The following IARS2 variants were observed in gnomAD, a reference collection of about 807,000 sequenced individuals.
IARS2 encodes the protein isoleucyl-tRNA synthetase 2, mitochondrial, also known as isoleucine--tRNA ligase, mitochondrial.
In IARS2, 56 loss-of-function variants were observed where a neutral mutation model predicts 126.3. That is an observed-to-expected ratio of 0.44 (90% CI 0.36 to 0.55). The LOEUF is 0.55. Among genes scored for constraint, IARS2 ranks in the 20% least tolerant of loss-of-function variants. The pLI, the probability that IARS2 is intolerant of heterozygous loss-of-function variation, is 0.00. For synonymous variants in IARS2, 407 were observed against 441.1 expected (o/e 0.92, Z 0.97); for missense variants, 1,127 against 1,245.9 (o/e 0.90, Z 1.44).
chr1:220,103,629 T>C (rs1161680708), intron 8 of IARS2, 67 bp downstream of exon 8: 2 of 934,078 alleles, frequency 2.1e-6, no homozygotes, highest in South Asian at 1.3e-5. Flanking sequence ...TTTACTACTT[T>C]GCTGAACTGC....
intron 14 of IARS2, among the ~76,000 whole-genome samples, chr1:220,129,185 G>A (rs1016565507): frequency 1.3e-5 from 2 of 152,058 alleles, no homozygotes; most frequent in African/African-American, 2.4e-5. Flanking sequence ...CCCGTCCAGA[G>A]TGTGATATTC....
At chr1:220,101,579 G>A (rs1571844594) in intron 3 of IARS2, among the ~76,000 whole-genome samples, 1 of 152,250 alleles carries the variant, frequency 6.6e-6, no homozygotes, top group East Asian at 1.9e-4. Flanking sequence ...GCTCACGCCT[G>A]TAGTCCCAGA....
intron 10 of IARS2, among the ~76,000 whole-genome samples, chr1:220,110,585 C>T (rs1025943003): frequency 6.6e-6 from 1 of 152,032 alleles, no homozygotes; most frequent in Admixed American, 6.6e-5. Flanking sequence ...AGGCTGGTCT[C>T]GAACTCCTGA....
At chr1:220,141,370 C>T (rs1289338404) in intron 19 of IARS2, among the ~76,000 whole-genome samples, 1 of 152,168 alleles carries the variant, frequency 6.6e-6, no homozygotes, top group Non-Finnish European at 1.5e-5. Flanking sequence ...GTGCAGGTGA[C>T]GGTCCTACCT....
At chr1:220,137,835 A>C in intron 16 of IARS2, 83 bp from the exon 17 acceptor site, 1 of 1,485,220 alleles carries the variant, frequency 6.7e-7, no homozygotes, top group Non-Finnish European at 9.3e-7. Context: ...AAAATATCTG[A>C]ATAGGAGCTT....
intron 12 of IARS2, among the ~76,000 whole-genome samples, chr1:220,119,724 C>T (rs1558125560): frequency 6.6e-6 from 1 of 151,966 alleles, no homozygotes; most frequent in Non-Finnish European, 1.5e-5. Context: ...TATAAAGGAA[C>T]ATAATGATAT....
intron 12 of IARS2, among the ~76,000 whole-genome samples, chr1:220,120,209 G>A (rs1212623982): frequency 6.6e-6 from 1 of 151,164 alleles, no homozygotes; most frequent in Non-Finnish European, 1.5e-5. Flanking sequence ...AGCCTCCCAA[G>A]TAGCTGGGAT....
At chr1:220,124,500 T>C (rs892872720) in intron 12 of IARS2, among the ~76,000 whole-genome samples, 1 of 152,224 alleles carries the variant, frequency 6.6e-6, no homozygotes, top group African/African-American at 2.4e-5. Flanking sequence ...CTCTAGTGCC[T>C]GTGCCCAGGA....
At chr1:220,109,509 T>A (rs1013881007) in intron 10 of IARS2, among the ~76,000 whole-genome samples, 1 of 152,048 alleles carries the variant, frequency 6.6e-6, no homozygotes, top group East Asian at 1.9e-4. Context: ...AATACAAAAA[T>A]TTAAAAAAGT....
At chr1:220,107,434 G>A (rs1373967684) in intron 10 of IARS2, among the ~76,000 whole-genome samples, 1 of 151,492 alleles carries the variant, frequency 6.6e-6, no homozygotes, top group Non-Finnish European at 1.5e-5. Flanking sequence ...ATCAAGATCA[G>A]GGCTGGATGT....
chr1:220,124,350 G>T (rs908616670), intron 12 of IARS2, among the ~76,000 whole-genome samples: 1 of 152,112 alleles, frequency 6.6e-6, no homozygotes, highest in Non-Finnish European at 1.5e-5. Context: ...TTGGCTTTCT[G>T]TCATGTGTTA....
At chr1:220,147,233 A>G (rs1657617269) in intron 22 of IARS2, among the ~76,000 whole-genome samples, 1 of 152,184 alleles carries the variant, frequency 6.6e-6, no homozygotes, top group Non-Finnish European at 1.5e-5. Flanking sequence ...CTGCCTGAGT[A>G]GATGTAGAAC....
At chr1:220,132,280 A>G (rs1470609466) in intron 14 of IARS2, among the ~76,000 whole-genome samples, 2 of 152,166 alleles carry the variant, frequency 1.3e-5, no homozygotes, top group Non-Finnish European at 2.9e-5. Context: ...TATATTTGGT[A>G]GAATTCAGCA....
chr1:220,140,816 C>T (rs957489962), intron 19 of IARS2, among the ~76,000 whole-genome samples: 1 of 151,912 alleles, frequency 6.6e-6, no homozygotes, highest in African/African-American at 2.4e-5. Context: ...AACCCCGTCT[C>T]TACTAAAAAT....
At chr1:220,145,461 A>C in intron 21 of IARS2, 48 bp from the exon 22 acceptor site, 1 of 1,540,860 alleles carries the variant, frequency 6.5e-7, no homozygotes, top group Non-Finnish European at 8.8e-7. Context: ...ACCTCAGTTT[A>C]TGGTACAAAT....
intron 10 of IARS2, among the ~76,000 whole-genome samples, chr1:220,108,970 A>G (rs1468537579): frequency 3.4e-5 from 5 of 148,182 alleles, no homozygotes; most frequent in South Asian, 4.2e-4. Context: ...GTTTCTCCCA[A>G]TCGGCCCCAA....
rs772728778 is a variant in IARS2 at position 220,102,743 on chromosome 1, G to A, written c.916G>A (p.Ala306Thr). 19 of 1,613,396 alleles carry A rather than the reference G, an allele frequency of 1.2e-5. No homozygotes were observed. In the African/African-American group the frequency reaches 2.1e-4, roughly 18 times the overall value. The part of the protein sequence containing the change: ...VWTTQPWTIP[A>T]NEAVCYMPES... ...GACCACACAACCTTGGACGATTCCA[G>A]CCAATGAAGCTGTTTGCTATATGCC... is the stretch of plus-strand genomic sequence containing the variant. The change falls in exon 7 of 23, where the codon GCC (alanine) becomes ACC (threonine). Residue 306 changes from alanine to threonine, a missense_variant. By Grantham distance (58) the Ala-to-Thr change is moderately conservative (BLOSUM62 0). Coordinates refer to ENST00000366922, the MANE Select transcript of IARS2 (RefSeq NM_018060.4).
intron 21 of IARS2, chr1:220,144,233 C>T (rs1212916287): frequency 2.6e-6 from 2 of 768,308 alleles, no homozygotes; most frequent in South Asian, 1.3e-5. Flanking sequence ...TTCATCATCA[C>T]GGTGAGAAAC....
rs1657500316 is a variant in IARS2, at chr1:220,141,944, T to A, written c.2556T>A (p.Ile852=). 6.8e-6 allele frequency: 11 copies of A among 1,611,968 alleles called. No homozygotes were observed. Among genetic ancestry groups the A allele is most frequent in the Middle Eastern group, 1.6e-4 (1 of 6,084 alleles). The change falls in exon 20 of 23, where the codon ATT becomes ATA. Residue 852 remains isoleucine (I), a synonymous_variant. Coordinates refer to ENST00000366922, the MANE Select transcript of IARS2 (RefSeq NM_018060.4). The part of the protein sequence containing the change: ...AEEVFQHIPY[I]KEPKSVFRTG... ...AGGTGTTCCAGCACATACCTTATAT[T>A]AAAGGTAAGGAATACTTCATTTATT...
Sources: allele counts gnomAD v4.1 joint callset (sites outside exome capture counted in the v4.1 genomes callset), GRCh38; gene constraint gnomAD v4.1.1; transcripts MANE v1.5; gene names NCBI Gene and HGNC (gene_info 2026-07-23, HGNC 2026-07-21).